USH1C: variants seen among roughly 807,000 people sequenced by gnomAD.
The protein encoded by USH1C is USH1 protein network component harmonin.
Under a neutral mutation model 119.3 loss-of-function variants are expected in USH1C, and 90 were observed. That is an observed-to-expected ratio of 0.75 (90% CI 0.64 to 0.90). The LOEUF is 0.90. Ranked by LOEUF, USH1C falls within the 40% of genes least tolerant of loss-of-function variation. The pLI is 0.00. For missense variants in USH1C, 1,165 were observed against 1,167.7 expected (o/e 1.00, Z 0.03); for synonymous variants, 465 against 443.3 (o/e 1.05, Z -0.62).
In USH1C at chr11:17,521,409, C is replaced by T; in HGVS notation, c.1022G>A (p.Arg341Lys). Residue 341 changes from arginine (R) to lysine (K), a missense_variant and splice_region_variant, in exon 13 of 27, where the codon AGG becomes AAG. By Grantham distance (26) the Arg-to-Lys change is conservative (BLOSUM62 2). Transcript: ENST00000005226. Reference sequence around the variant, plus strand: ...TGCCTTCTGGGCAATTTCTTTTCTCCTTCTGAAACACAAATGCAGATTGGC... The same window carrying T: ...TGCCTTCTGGGCAATTTCTTTTCTCTTTCTGAAACACAAATGCAGATTGGC... ...LQEQQEMERQ[R>K]RKEIAQKAAE... The T allele has an allele frequency of 6.2e-7, 1 of 1,614,166 alleles. No individual in the cohort carries two copies. The highest frequency in any genetic ancestry group is 8.5e-7 in the Non-Finnish European group (1 of 1,180,012).
chr11:17,532,562 A>C (rs1851038094), intron 2 of USH1C, among the ~76,000 whole-genome samples: 1 of 152,122 alleles, frequency 6.6e-6, no homozygotes, highest in Non-Finnish European at 1.5e-5. Context: ...AGCTTCTCAA[A>C]GTTCTGGGAT....
Position 17,531,592 on chromosome 11 carries a change from A to G in USH1C, c.105-50T>C, listed in dbSNP as rs751969962. ...GAGCCTCACCCCTGGCCATGACCTC[A>G]GGCACCCAGGGATTCCAAGAGGAAG... On this transcript the variant is annotated intron_variant, in intron 2 of 26. Coordinates refer to ENST00000005226, the MANE Select transcript of USH1C (RefSeq NM_153676.4). The surrounding 1 kb of genome is among the most constrained non-coding windows in gnomAD (Gnocchi z 4.2). The G allele has an allele frequency of 3.1e-6, 5 of 1,605,410 alleles. No individual in the cohort carries two copies. The highest frequency in any genetic ancestry group is 1.1e-5 in the South Asian group (1 of 90,222).
At chr11:17,521,435 A>G in intron 12 of USH1C, 24 bp from the exon 13 acceptor site, 1 of 1,612,432 alleles carries the variant, frequency 6.2e-7, no homozygotes. Context: ...GCAGATTGGC[A>G]TGTTTGGCCC....
chr11:17,509,805 C>T lies in USH1C; in HGVS notation c.1564G>A (p.Val522Met), dbSNP rs753261867. 25 of 1,588,032 alleles carry T rather than the reference C, an allele frequency of 1.6e-5. No homozygotes were observed. The highest frequency in any genetic ancestry group is 2.7e-5 in the African/African-American group (2 of 73,736). ...CTCAAGGGTGGGGCCAGGGGAGACACAGAAGGCGGGGGAGGCGGGGGCCCT... is the reference window on the plus strand; with the variant it reads ...CTCAAGGGTGGGGCCAGGGGAGACATAGAAGGCGGGGGAGGCGGGGGCCCT... ...TTGPPPPPPS[V>M]SPLAPPLRRF... Residue 522 changes from valine to methionine, a missense_variant, in exon 18 of 27, where the codon GTG becomes ATG. Transcript: ENST00000005226.
At chr11:17,528,282 G>T (rs72870321) in intron 4 of USH1C, among the ~76,000 whole-genome samples, 15,222 of 152,252 alleles carry the variant, frequency 0.1, 932 homozygotes, top group South Asian at 0.26. Context: ...TGGGCAGCCA[G>T]CCCTGGATAC....
At position 17,531,599 on chromosome 11, in the gene USH1C, C is replaced by T; in HGVS notation, c.105-57G>A. 1 of 1,601,490 alleles carries T rather than the reference C, an allele frequency of 6.2e-7. No homozygotes were observed. On this transcript the variant is annotated intron_variant, in intron 2 of 26. Coordinates refer to ENST00000005226, the MANE Select transcript of USH1C (RefSeq NM_153676.4). This position sits in a 1 kb window ranked among gnomAD's most constrained non-coding sequence, Gnocchi z 4.2. ...ACCCCTGGCCATGACCTCAGGCACC[C>T]AGGGATTCCAAGAGGAAGCCATTTC...
rs1202456162 is a variant in USH1C, at chr11:17,524,482, G to C, written c.728C>G (p.Pro243Arg). Residue 243 changes from proline (P) to arginine (R), a missense_variant, in exon 9 of 27, where the codon CCT becomes CGT. Physicochemically the swap from Pro to Arg is moderately radical, Grantham distance 103. Coordinates refer to ENST00000005226, the MANE Select transcript of USH1C (RefSeq NM_153676.4). ...KPGIFISHVKPGSLSAEVGLE... is the reference protein window; with the variant it reads ...KPGIFISHVKRGSLSAEVGLE... Reference sequence around the variant, plus strand: ...TCCCACCTCAGCAGACAGGGAGCCAGGTTTCACATGGCTGATAAAGATGCC... The same window carrying C: ...TCCCACCTCAGCAGACAGGGAGCCACGTTTCACATGGCTGATAAAGATGCC... 6.4e-7 allele frequency: 1 copy of C among 1,574,522 alleles called. No individual in the cohort carries two copies. The highest frequency in any genetic ancestry group is 8.6e-7 in the Non-Finnish European group (1 of 1,158,380).
chr11:17,534,110 C>T (rs983473065), intron 1 of USH1C, among the ~76,000 whole-genome samples: 1 of 152,264 alleles, frequency 6.6e-6, no homozygotes, highest in Non-Finnish European at 1.5e-5. Context: ...TTTTGGGTCT[C>T]TCTTCAGCCC....
chr11:17,524,936 A>G (rs1422534072), intron 8 of USH1C, among the ~76,000 whole-genome samples: 1 of 150,262 alleles, frequency 6.7e-6, no homozygotes, highest in African/African-American at 2.5e-5. Context: ...GCAACCTCCA[A>G]CTCCTGGGAT....
At chr11:17,522,997 G>A (rs1158883862) in intron 11 of USH1C, 71 bp from the exon 12 acceptor site, 4 of 1,595,680 alleles carry the variant, frequency 2.5e-6, no homozygotes, top group African/African-American at 2.7e-5. Context: ...ACCCCTGGGG[G>A]CCGAGATGCA....
chr11:17,534,777 G>A (rs1851160912), intron 1 of USH1C, among the ~76,000 whole-genome samples: 2 of 151,824 alleles, frequency 1.3e-5, no homozygotes, highest in Admixed American at 6.6e-5. Flanking sequence ...AGGAGGCTGA[G>A]GCAGGAGAAT....
chr11:17,543,071 A>G (rs965694648), intron 1 of USH1C, among the ~76,000 whole-genome samples: 3 of 152,202 alleles, frequency 2.0e-5, no homozygotes, highest in Non-Finnish European at 4.4e-5. Context: ...CCTCCCACCT[A>G]CACCACCAGC....
intron 4 of USH1C, among the ~76,000 whole-genome samples, chr11:17,529,837 G>T (rs1038055281): frequency 6.6e-6 from 1 of 152,196 alleles, no homozygotes. Context: ...AGGTAAAACT[G>T]TAGGTCTCAT....
At chr11:17,498,596 G>C (rs193177743) in intron 23 of USH1C, among the ~76,000 whole-genome samples, 1 of 152,156 alleles carries the variant, frequency 6.6e-6, no homozygotes, top group Non-Finnish European at 1.5e-5. Flanking sequence ...TCTGCCAGCC[G>C]GCCCTCCCTG....
At chr11:17,510,817 T>C (rs995179927) in intron 16 of USH1C, among the ~76,000 whole-genome samples, 2 of 152,172 alleles carry the variant, frequency 1.3e-5, no homozygotes, top group African/African-American at 2.4e-5. Context: ...CCTGAGGCTC[T>C]TATGATTTTC....
chr11:17,527,226 TCA>T lies in USH1C; in HGVS notation c.491_492del (p.Val164GlufsTer13), dbSNP rs1850741468. 2 of 1,575,228 alleles carry T rather than the reference TCA, an allele frequency of 1.3e-6. No individual in the cohort carries two copies. The highest frequency in any genetic ancestry group is 1.7e-6 in the Non-Finnish European group (2 of 1,157,636). ...GCCCTGCTCTGGCCTCACTCACGTC[TCA>T]CTTTGATGGACACAGTTTTCTTGGT... ...IRTKKTVSIK[V>X]RHIGLIPVKS... is the part of the protein sequence containing the mutation. On this transcript the variant is annotated frameshift_variant, in exon 5 of 27. Coordinates refer to ENST00000005226, the MANE Select transcript of USH1C (RefSeq NM_153676.4). LOFTEE classifies it high-confidence loss of function.
rs531626349 is a variant in USH1C, at chr11:17,531,193, G to A, written c.348C>T (p.His116=). The A allele has an allele frequency of 1.9e-6, 3 of 1,614,048 alleles. No individual in the cohort carries two copies. In the South Asian group the frequency reaches 3.3e-5, roughly 18 times the overall value. Residue 116 remains histidine, a synonymous_variant, in exon 4 of 27, where the codon CAC becomes CAT. Transcript: ENST00000005226. This position sits in a 1 kb window ranked among gnomAD's most constrained non-coding sequence, Gnocchi z 4.2. The part of the protein sequence containing the change: ...LEFGCGLFIS[H]LIKGGQADSV... Reference sequence around the variant, plus strand: ...TGTCTGCCTGACCGCCTTTGATGAGGTGGGAGATGAAGAGCCCACAGCCAA... The same window carrying A: ...TGTCTGCCTGACCGCCTTTGATGAGATGGGAGATGAAGAGCCCACAGCCAA...
chr11:17,501,163 A>G lies in USH1C; in HGVS notation c.2281-13T>C. 6.2e-7 allele frequency: 1 copy of G among 1,608,332 alleles called. No individual in the cohort carries two copies. The highest frequency in any genetic ancestry group is 2.2e-5 in the East Asian group (1 of 44,618). On this transcript the variant is annotated splice_polypyrimidine_tract_variant and intron_variant, in intron 22 of 26. Coordinates refer to ENST00000005226, the MANE Select transcript of USH1C (RefSeq NM_153676.4). ...CTAAGGATCCCTCCTGGTTAGAGGA[A>G]AACAGGCCTTAGGGAGCCAAGCAGA...
At position 17,509,563 on chromosome 11, in the gene USH1C, G is replaced by T. The variant is rs763323363; in HGVS notation, c.1806C>A (p.Pro602=). 1 of 1,595,350 alleles carries T rather than the reference G, an allele frequency of 6.3e-7. No homozygotes were observed. Among genetic ancestry groups the T allele is most frequent in the East Asian group, 2.3e-5 (1 of 44,416 alleles). The change falls in exon 18 of 27, where the codon CCC becomes CCA. Residue 602 remains proline (P), a synonymous_variant. Coordinates refer to ENST00000005226, the MANE Select transcript of USH1C (RefSeq NM_153676.4). ...CGGATGGCGGGGGAGGGATGGGAATGGGGGGTGGAGTGCGCTGCACCCATG... is the reference window on the plus strand; with the variant it reads ...CGGATGGCGGGGGAGGGATGGGAATTGGGGGTGGAGTGCGCTGCACCCATG... ...SSPWVQRTPP[P]IPIPPPPSVP...
Sources: allele counts gnomAD v4.1 joint callset (sites outside exome capture counted in the v4.1 genomes callset), GRCh38; gene constraint gnomAD v4.1.1; non-coding constraint Gnocchi (gnomAD v3.1); transcripts MANE v1.5; gene names NCBI Gene and HGNC (gene_info 2026-07-23, HGNC 2026-07-21).